CNTN3: variants seen among roughly 807,000 people sequenced by gnomAD.
The protein encoded by CNTN3 is contactin-3.
A neutral mutation model predicts 119.1 loss-of-function variants in CNTN3; 60 were observed. The observed-to-expected ratio is 0.50, with a 90% CI of 0.41 to 0.62. The LOEUF is 0.62. Among genes scored for constraint, CNTN3 ranks in the 20% least tolerant of loss-of-function variants. CNTN3 has a pLI of 0.00. For missense variants in CNTN3, 1,101 were observed against 1,242.4 expected (o/e 0.89, Z 1.71); for synonymous variants, 450 against 438.7 (o/e 1.03, Z -0.32).
chr3:74,319,754 C>T (rs1163612968), intron 13 of CNTN3, among the ~76,000 whole-genome samples: 14 of 151,618 alleles, frequency 9.2e-5, no homozygotes, highest in East Asian at 3.9e-4. Flanking sequence ...AAAAAATTTT[C>T]GCAACCTACT....
At chr3:74,353,495 G>C (rs984446720) in intron 11 of CNTN3, among the ~76,000 whole-genome samples, 1 of 152,182 alleles carries the variant, frequency 6.6e-6, no homozygotes, top group Non-Finnish European at 1.5e-5. Context: ...CGTGGCTCAC[G>C]CCTGTAATCC....
intron 5 of CNTN3, among the ~76,000 whole-genome samples, chr3:74,404,934 C>T (rs1705288098): frequency 6.6e-6 from 1 of 151,886 alleles, no homozygotes; most frequent in Admixed American, 6.6e-5. Context: ...TAGTCGAATC[C>T]ATCACATTTT....
At chr3:74,528,676 A>G (rs914415689) in intron 1 of CNTN3, among the ~76,000 whole-genome samples, 18 of 151,952 alleles carry the variant, frequency 1.2e-4, no homozygotes, top group Non-Finnish European at 2.7e-4. Context: ...CACACAATAG[A>G]TACCAATGGA....
At chr3:74,550,296 G>A (rs1427881573) in intron 1 of CNTN3, among the ~76,000 whole-genome samples, 1 of 152,200 alleles carries the variant, frequency 6.6e-6, no homozygotes, top group Non-Finnish European at 1.5e-5. Context: ...CGAACTGAGC[G>A]ACAGTGGCAA....
At chr3:74,345,257 C>A (rs1326489513) in intron 11 of CNTN3, among the ~76,000 whole-genome samples, 1 of 152,158 alleles carries the variant, frequency 6.6e-6, no homozygotes, top group East Asian at 1.9e-4. Flanking sequence ...CTTGTCCCTC[C>A]TCCAAGCAGA....
intron 2 of CNTN3, among the ~76,000 whole-genome samples, chr3:74,508,861 G>C (rs1703313040): frequency 1.3e-5 from 2 of 152,088 alleles, no homozygotes; most frequent in African/African-American, 4.8e-5. Flanking sequence ...GGTGACAACT[G>C]CAAGATATTT....
intron 2 of CNTN3, among the ~76,000 whole-genome samples, chr3:74,515,398 C>G (rs1451111002): frequency 6.6e-6 from 1 of 152,026 alleles, no homozygotes; most frequent in African/African-American, 2.4e-5. Context: ...CCTCTTTCCA[C>G]ACTGGTGAGC....
intron 4 of CNTN3, among the ~76,000 whole-genome samples, chr3:74,452,358 T>C (rs1333244350): frequency 3.2e-5 from 4 of 123,894 alleles, no homozygotes; most frequent in Admixed American, 8.7e-5. Flanking sequence ...TTTTCGCACA[T>C]TGATTTTGTA....
At chr3:74,279,100 C>CA (rs1701941232) in intron 20 of CNTN3, among the ~76,000 whole-genome samples, 1 of 151,952 alleles carries the variant, frequency 6.6e-6, no homozygotes, top group African/African-American at 2.4e-5. Flanking sequence ...AATAAAAAAT[C>CA]AAAAAACAGT....
intron 1 of CNTN3, among the ~76,000 whole-genome samples, chr3:74,528,673 T>C (rs1403432290): frequency 1.3e-5 from 2 of 151,824 alleles, no homozygotes; most frequent in South Asian, 4.1e-4. Context: ...CCCCACACAA[T>C]AGATACCAAT....
chr3:74,264,548 G>T, intron 22 of CNTN3, 47 bp from the exon 23 acceptor site: 2 of 1,249,856 alleles, frequency 1.6e-6, no homozygotes, highest in Non-Finnish European at 2.3e-6. Context: ...GTACCAATAT[G>T]TAATCAGGGT....
rs772802742 is a variant in CNTN3, at chr3:74,432,386, T to TAA, written c.359-7448_359-7447dup. ...TTAACACTAACAAGAGCCAATGAGC[T>TAA]AAAAAAAAAAAAAAAATCACAAAAA... On this transcript the variant is annotated intron_variant, in intron 4 of 22. Transcript: ENST00000263665. Among the ~76,000 whole-genome samples the TAA allele has an allele frequency of 3.1e-3, 397 of 129,248 alleles. 1 individual carries two copies. Among genetic ancestry groups the TAA allele is most frequent in the African/African-American group, 0.01 (374 of 36,244 alleles). The allele number at this position is 129,248 out of a possible 152,430, so 84.8% of individuals were successfully genotyped here.
At chr3:74,340,089 T>C (rs1703498063) in intron 11 of CNTN3, among the ~76,000 whole-genome samples, 1 of 152,130 alleles carries the variant, frequency 6.6e-6, no homozygotes, top group Non-Finnish European at 1.5e-5. Context: ...AACAACTGTT[T>C]ACACAGCACT....
At chr3:74,349,697 G>A (rs9870772) in intron 11 of CNTN3, among the ~76,000 whole-genome samples, 81 of 152,270 alleles carry the variant, frequency 5.3e-4, no homozygotes, top group African/African-American at 1.8e-3. Context: ...GATATTGGGC[G>A]TTTCTATGAT....
chr3:74,535,450 G>C (rs778849149), intron 1 of CNTN3, among the ~76,000 whole-genome samples: 1 of 152,056 alleles, frequency 6.6e-6, no homozygotes, highest in East Asian at 1.9e-4. Flanking sequence ...AATGATTCAC[G>C]ATGATAGCAT....
At chr3:74,584,561 T>A (rs1453736849) in intron 1 of CNTN3, among the ~76,000 whole-genome samples, 1 of 152,224 alleles carries the variant, frequency 6.6e-6, no homozygotes, top group Middle Eastern at 3.4e-3. Context: ...CACAAGCAGA[T>A]GCCAGCACCA....
intron 1 of CNTN3, among the ~76,000 whole-genome samples, chr3:74,611,831 T>A (rs1217567764): frequency 6.6e-6 from 1 of 152,196 alleles, no homozygotes; most frequent in African/African-American, 2.4e-5. Context: ...CTTGCTAAGA[T>A]AAGAAGGCTT....
Position 74,263,412 on chromosome 3 carries a change from T to G in CNTN3, c.*989A>C, listed in dbSNP as rs1408468886. 6.6e-6 allele frequency: 1 copy of G among 152,124 alleles called. No individual in the cohort carries two copies. Among genetic ancestry groups the G allele is most frequent in the Non-Finnish European group, 1.5e-5 (1 of 68,000 alleles). The allele number at this position is 152,124 out of a possible 1,614,324, so 9.4% of individuals were successfully genotyped here. A position where few individuals can be genotyped will look rare whatever the true frequency, so the allele number is the denominator to read the frequency against. On this transcript the variant is annotated 3_prime_UTR_variant, in exon 23 of 23. Transcript: ENST00000263665. The stretch of plus-strand genomic sequence containing the variant: ...GAAATGAGGGATTATGTGGATTTTG[T>G]TTAATATTTGGGTTGAGATTCAGGT...
intron 13 of CNTN3, among the ~76,000 whole-genome samples, chr3:74,314,470 A>AT (rs1702779530): frequency 6.6e-6 from 1 of 152,346 alleles, no homozygotes; most frequent in African/African-American, 2.4e-5. Context: ...AATATATACT[A>AT]TGATTGTACT....
Sources: allele counts gnomAD v4.1 joint callset (sites outside exome capture counted in the v4.1 genomes callset), GRCh38; gene constraint gnomAD v4.1.1; transcripts MANE v1.5; gene names NCBI Gene and HGNC (gene_info 2026-07-23, HGNC 2026-07-21).